Variants in ATRN observed in about 807,000 individuals in gnomAD.
ATRN encodes attractin-2.
Under a neutral mutation model 178.7 loss-of-function variants are expected in ATRN, and 54 were observed. The ratio of observed to expected loss-of-function variants is 0.30; its 90% CI spans 0.24 to 0.38. The LOEUF (loss-of-function observed/expected upper bound fraction) is 0.38, where lower values mean the gene tolerates loss of function less well. Ranked by LOEUF, ATRN falls within the 10% of genes least tolerant of loss-of-function variation. ATRN has a pLI of 1.00. For synonymous variants in ATRN, 636 were observed against 663.0 expected, an observed-to-expected ratio of 0.96 and a Z score of 0.63; for missense variants, 1,443 against 1,815.1, an observed-to-expected ratio of 0.79 and a Z score of 3.73.
At position 3,519,007 on chromosome 20, in the gene ATRN, A is replaced by AT. The variant is rs201866742; in HGVS notation, c.411-16246_411-16245insT. 5.2e-4 allele frequency among the ~76,000 whole-genome samples: 47 copies of AT among 90,088 alleles called. 1 individual carries two copies. The highest frequency in any genetic ancestry group is 6.3e-4 in the East Asian group (3 of 4,740). 59.1% of individuals were successfully genotyped at this position (90,088 alleles called of 152,430 possible). ...TGCTTCAATAAACATCCTTATATATAAAAAAAAAAAAAAGAAAGAAAACTG... is the reference window on the plus strand; with the variant it reads ...TGCTTCAATAAACATCCTTATATATATAAAAAAAAAAAAAGAAAGAAAACTG... On this transcript the variant is annotated intron_variant, in intron 1 of 28. Coordinates refer to ENST00000262919, the MANE Select transcript of ATRN (RefSeq NM_139321.3).
intron 1 of ATRN, among the ~76,000 whole-genome samples, chr20:3,524,254 G>A (rs142877374): frequency 0.038 from 5,814 of 151,084 alleles, 157 homozygotes; most frequent in Non-Finnish European, 0.057. Flanking sequence ...AAAAAAGCAG[G>A]GGTTGCAATC....
chr20:3,562,147 T>C (rs2085961287), intron 8 of ATRN, 129 bp from the exon 9 acceptor site: 1 of 774,700 alleles, frequency 1.3e-6, no homozygotes, highest in African/African-American at 1.7e-5. Context: ...TTCTTTAAAA[T>C]ATAAAGATAA....
chr20:3,533,989 T>C (rs2085489331), intron 1 of ATRN, among the ~76,000 whole-genome samples: 1 of 152,156 alleles, frequency 6.6e-6, no homozygotes, highest in Non-Finnish European at 1.5e-5. Context: ...AGATTTCTAA[T>C]CAGTCAGTGG....
At chr20:3,593,865 A>C (rs2086487162) in intron 19 of ATRN, among the ~76,000 whole-genome samples, 1 of 152,212 alleles carries the variant, frequency 6.6e-6, no homozygotes, top group Non-Finnish European at 1.5e-5. Context: ...TGGATGATAA[A>C]AGGAGAGATG....
intron 3 of ATRN, among the ~76,000 whole-genome samples, chr20:3,543,488 G>A (rs1023471846): frequency 2.0e-5 from 3 of 152,100 alleles, no homozygotes; most frequent in Non-Finnish European, 2.9e-5. Context: ...TTGGGAGGCC[G>A]AGGTGGGCGG....
At chr20:3,629,614 C>T (rs1434399152) in intron 25 of ATRN, among the ~76,000 whole-genome samples, 1 of 152,234 alleles carries the variant, frequency 6.6e-6, no homozygotes, top group East Asian at 1.9e-4. Context: ...CACAAGACTG[C>T]TCCCACTTCA....
chr20:3,556,018 A>G (rs1459561337), intron 6 of ATRN, among the ~76,000 whole-genome samples: 1 of 152,228 alleles, frequency 6.6e-6, no homozygotes, highest in Non-Finnish European at 1.5e-5. Context: ...CAAGATGATA[A>G]TAACAGAAGA....
At chr20:3,614,954 T>C (rs999284965) in intron 24 of ATRN, among the ~76,000 whole-genome samples, 2 of 152,206 alleles carry the variant, frequency 1.3e-5, no homozygotes, top group African/African-American at 4.8e-5. Flanking sequence ...TTATTCCTTG[T>C]CATAGCTGAA....
intron 1 of ATRN, among the ~76,000 whole-genome samples, chr20:3,514,427 G>A (rs151511): frequency 0.36 from 54,202 of 151,990 alleles, 10,814 homozygotes; most frequent in African/African-American, 0.51. Context: ...AAGTCAGTCT[G>A]TCTTATGAAC....
At chr20:3,559,947 A>C (rs1368726817) in intron 7 of ATRN, among the ~76,000 whole-genome samples, 2 of 152,118 alleles carry the variant, frequency 1.3e-5, no homozygotes, top group Admixed American at 1.3e-4. Context: ...AAATATGATT[A>C]GTTTTATTTC....
intron 25 of ATRN, 97 bp downstream of exon 25, chr20:3,624,669 G>C (rs1340585049): frequency 1.6e-5 from 17 of 1,034,370 alleles, no homozygotes; most frequent in Non-Finnish European, 2.2e-5. Flanking sequence ...GAATAATCCT[G>C]TGTTTCCACC....
chr20:3,606,646 A>G (rs2086680959), intron 24 of ATRN, among the ~76,000 whole-genome samples: 1 of 152,198 alleles, frequency 6.6e-6, no homozygotes, highest in African/African-American at 2.4e-5. Context: ...ACCCTGTTGT[A>G]CAAGCTAGGG....
intron 25 of ATRN, among the ~76,000 whole-genome samples, chr20:3,633,375 C>T (rs999576975): frequency 9.9e-5 from 15 of 152,196 alleles, no homozygotes; most frequent in South Asian, 2.1e-4. Flanking sequence ...TCCCTCTCTC[C>T]AGCCAGCCCA....
At chr20:3,521,822 C>G (rs962902803) in intron 1 of ATRN, among the ~76,000 whole-genome samples, 7 of 152,336 alleles carry the variant, frequency 4.6e-5, no homozygotes, top group African/African-American at 1.4e-4. Context: ...CTCGCTTGCT[C>G]TGTCACCCAG....
At chr20:3,624,109 A>G (rs1168279403) in intron 24 of ATRN, among the ~76,000 whole-genome samples, 2 of 152,356 alleles carry the variant, frequency 1.3e-5, no homozygotes, top group African/African-American at 4.8e-5. Context: ...TGTTGACCAA[A>G]TGAAGAGCAC....
At chr20:3,540,776 G>A (rs1446159706) in intron 3 of ATRN, among the ~76,000 whole-genome samples, 6 of 151,078 alleles carry the variant, frequency 4.0e-5, no homozygotes, top group African/African-American at 9.7e-5. Flanking sequence ...AATTGTGTGC[G>A]TGTGTGTGTG....
In ATRN at chr20:3,596,377, A is replaced by G. The variant is rs370288316; in HGVS notation, c.3417A>G (p.Leu1139=). The part of the protein sequence containing the change: ...TKGVKGDECQ[L]CEVENRYQGN... Reference sequence around the variant, plus strand: ...TAAAATAGTCTTTTTTCCCCCCCAGATGTGAGGTAGAAAATCGATACCAAG... The same window carrying G: ...TAAAATAGTCTTTTTTCCCCCCCAGGTGTGAGGTAGAAAATCGATACCAAG... The change falls in exon 21 of 29, where the codon CTA becomes CTG. Residue 1139 remains leucine (L), a splice_region_variant and synonymous_variant. Coordinates refer to ENST00000262919, the MANE Select transcript of ATRN (RefSeq NM_139321.3). 10 of 1,612,876 alleles carry G rather than the reference A, an allele frequency of 6.2e-6. No individual in the cohort carries two copies. In the African/African-American group the frequency reaches 6.7e-5, roughly 11 times the overall value.
In ATRN at chr20:3,576,967, C is replaced by T. The variant is rs544568409; in HGVS notation, c.2323C>T (p.Pro775Ser). 1.2e-6 allele frequency: 2 copies of T among 1,614,006 alleles called. No individual in the cohort carries two copies. Among genetic ancestry groups the T allele is most frequent in the East Asian group, 2.2e-5 (1 of 44,876 alleles). ...CCTGGACCAGAACTGCCAGTGGGAG[C>T]CCCGGAATCAGGAGTGCATTGCCCT... ...CALDQNCQWE[P>S]RNQECIALPE... The change falls in exon 14 of 29, where the codon CCC (proline) becomes TCC (serine). Residue 775 changes from proline to serine, a missense_variant. By Grantham distance (74) the Pro-to-Ser change is moderately conservative (BLOSUM62 -1). Around this residue, in one of 4 missense-constraint regions of ATRN, gnomAD observed 212 missense variants for 330.7 expected, o/e 0.64. Transcript: ENST00000262919.
chr20:3,489,407 G>T, intron 1 of ATRN: 1 of 654,918 alleles, frequency 1.5e-6, no homozygotes, highest in South Asian at 1.8e-5. Flanking sequence ...TCTACAGGAT[G>T]CATGCTAGAC....
Sources: gnomAD v4.1 joint callset for allele counts (sites outside exome capture counted in the v4.1 genomes callset) on GRCh38, gnomAD v4.1.1 for gene constraint, gnomAD v4.1.1 regional missense constraint, MANE v1.5 for transcripts, NCBI Gene and HGNC (gene_info 2026-07-23, HGNC 2026-07-21) for gene names.